ERBIN: variants seen among roughly 807,000 people sequenced by gnomAD.
The protein encoded by ERBIN is erbb2 interacting protein, also known as densin-180-like protein.
In ERBIN, 60 loss-of-function variants were observed where a neutral mutation model predicts 158.4. That is an observed-to-expected ratio of 0.38 (90% CI 0.31 to 0.47). The LOEUF (loss-of-function observed/expected upper bound fraction) is 0.47. Ranked by LOEUF, ERBIN falls within the 20% of genes least tolerant of loss-of-function variation. The pLI is 0.99. For missense variants in ERBIN, 1,610 were observed against 1,648.0 expected, an observed-to-expected ratio of 0.98 and a Z score of 0.40; for synonymous variants, 594 against 557.2, an observed-to-expected ratio of 1.07 and a Z score of -0.93.
chr5:66,042,309 A>G (rs994673042), intron 15 of ERBIN, among the ~76,000 whole-genome samples: 3 of 152,066 alleles, frequency 2.0e-5, no homozygotes, highest in Admixed American at 6.6e-5. Context: ...TTTAAGCCTT[A>G]TGTATTTTTT....
chr5:65,996,472 G>A (rs969307726), intron 4 of ERBIN, among the ~76,000 whole-genome samples: 1 of 151,756 alleles, frequency 6.6e-6, no homozygotes, highest in Non-Finnish European at 1.5e-5. Context: ...TTTATTTTTG[G>A]GCTGTCTATT....
rs769686522 is a variant in ERBIN, at chr5:66,028,361, A to T, written c.1206+18A>T. 4 of 1,600,238 alleles carry T rather than the reference A, an allele frequency of 2.5e-6. No individual in the cohort carries two copies. Among genetic ancestry groups the T allele is most frequent in the Non-Finnish European group, 3.4e-6 (4 of 1,168,782 alleles). On this transcript the variant is annotated intron_variant, in intron 14 of 25. Transcript: ENST00000284037. ...ATAATCAGGTGGGCATTCTGATTTT[A>T]TAAGTTAATGGAGTTCTTATTTGTG... is the stretch of plus-strand genomic sequence containing the variant.
rs1762329641 is a variant in ERBIN at position 66,080,333 on chromosome 5, G to A, written c.*1803G>A. ...CTGTATAGTTTTAATAATTTTGATT[G>A]AAACCCTTTAACAACTCTTTGTAAA... On this transcript the variant is annotated 3_prime_UTR_variant, in exon 26 of 26. Transcript: ENST00000284037. The A allele has an allele frequency of 6.6e-6, 1 of 152,362 alleles. No homozygotes were observed. The highest frequency in any genetic ancestry group is 1.5e-5 in the Non-Finnish European group (1 of 67,924). The allele number at this position is 152,362 out of a possible 1,614,324, so 9.4% of individuals were successfully genotyped here.
intron 15 of ERBIN, among the ~76,000 whole-genome samples, chr5:66,039,706 G>A (rs1757750987): frequency 1.3e-5 from 2 of 151,816 alleles, no homozygotes; most frequent in South Asian, 2.1e-4. Context: ...ATTTTGTTAT[G>A]GAAACATACT....
At chr5:65,958,580 A>G (rs994311322) in intron 1 of ERBIN, among the ~76,000 whole-genome samples, 17 of 147,986 alleles carry the variant, frequency 1.1e-4, no homozygotes, top group African/African-American at 4.1e-4. Context: ...AGTACAGTCC[A>G]GCTTCGGCTG....
intron 1 of ERBIN, among the ~76,000 whole-genome samples, chr5:65,959,970 A>G (rs780442957): frequency 1.3e-5 from 2 of 152,212 alleles, no homozygotes; most frequent in Non-Finnish European, 2.9e-5. Context: ...AATTAAACAT[A>G]CAGCTACATC....
intron 4 of ERBIN, among the ~76,000 whole-genome samples, chr5:65,996,175 T>A (rs1387876159): frequency 6.6e-6 from 1 of 151,606 alleles, no homozygotes; most frequent in Non-Finnish European, 1.5e-5. Flanking sequence ...TTAAGAAAAA[T>A]CATTGTTATA....
At chr5:65,981,307 A>T (rs1465956040) in intron 1 of ERBIN, among the ~76,000 whole-genome samples, 1 of 152,230 alleles carries the variant, frequency 6.6e-6, no homozygotes, top group Non-Finnish European at 1.5e-5. Flanking sequence ...CAGATAATTT[A>T]TATCTTTAAA....
intron 21 of ERBIN, chr5:66,069,129 C>T (rs1422073217): frequency 4.0e-6 from 4 of 1,008,982 alleles, no homozygotes; most frequent in East Asian, 5.5e-5. Context: ...GGTTAGAAAC[C>T]TTGATTTCCT....
intron 22 of ERBIN, 143 bp from the exon 23 acceptor site, chr5:66,074,881 A>G: frequency 1.5e-6 from 1 of 684,584 alleles, no homozygotes; most frequent in Non-Finnish European, 2.4e-6. Context: ...AAAATTATAG[A>G]AAAATAGTAA....
At chr5:65,953,059 A>G (rs1227439859) in intron 1 of ERBIN, among the ~76,000 whole-genome samples, 1 of 152,238 alleles carries the variant, frequency 6.6e-6, no homozygotes, top group Non-Finnish European at 1.5e-5. Context: ...AGTTTCTTGT[A>G]TCAGACTGTG....
rs1370981243 is a variant in ERBIN, at chr5:66,076,881, T to G, written c.4063T>G (p.Phe1355Val). The G allele has an allele frequency of 3.1e-6, 5 of 1,606,964 alleles. No homozygotes were observed. The highest frequency in any genetic ancestry group is 4.3e-6 in the Non-Finnish European group (5 of 1,175,446). The part of the protein sequence containing the change: ...NPFRPDDDGI[F>V]VTRVQPEGPA... The stretch of plus-strand genomic sequence containing the variant: ...ATTTTTTTTGTTGTTAAAGGGTATA[T>G]TTGTAACAAGGGTACAACCTGAAGG... The change falls in exon 25 of 26, where the codon TTT (phenylalanine) becomes GTT (valine). Residue 1355 changes from phenylalanine (F) to valine (V), a missense_variant. Phe to Val is a conservative substitution (Grantham distance 50). Around this residue, in one of 2 missense-constraint regions of ERBIN, gnomAD observed 1,014 missense variants for 936.1 expected, o/e 1.08. Transcript: ENST00000284037.
At chr5:65,976,026 G>T (rs575081856) in intron 1 of ERBIN, among the ~76,000 whole-genome samples, 105 of 152,284 alleles carry the variant, frequency 6.9e-4, no homozygotes, top group Non-Finnish European at 1.1e-3. Context: ...TGGAGGAAAA[G>T]AAGTTGTTAC....
chr5:65,968,400 C>G (rs1214652486), intron 1 of ERBIN, among the ~76,000 whole-genome samples: 3 of 152,060 alleles, frequency 2.0e-5, no homozygotes, highest in Non-Finnish European at 2.9e-5. Context: ...TATTTAAGTA[C>G]TAGAGTAGCA....
chr5:66,018,484 ATATTATATTAT>A (rs1755119052), intron 7 of ERBIN, among the ~76,000 whole-genome samples: 1 of 13,190 alleles, frequency 7.6e-5, no homozygotes, highest in Non-Finnish European at 1.2e-4. Flanking sequence ...TATATATTAT[ATATTATATTAT>A]ATAATATATA....
At chr5:66,013,204 GAGAGTAGATA>G (rs1452542392) in intron 5 of ERBIN, among the ~76,000 whole-genome samples, 1 of 152,184 alleles carries the variant, frequency 6.6e-6, no homozygotes, top group African/African-American at 2.4e-5. Flanking sequence ...CCTTTGAATT[GAGAGTAGATA>G]AGACAGATTT....
intron 1 of ERBIN, among the ~76,000 whole-genome samples, chr5:65,983,246 A>T (rs1580248295): frequency 1.3e-5 from 2 of 152,138 alleles, no homozygotes; most frequent in East Asian, 1.9e-4. Context: ...CCAGACATTG[A>T]TGTTGATCTT....
intron 15 of ERBIN, 48 bp from the exon 16 acceptor site, chr5:66,043,029 A>G (rs1758069550): frequency 7.1e-7 from 1 of 1,400,142 alleles, no homozygotes; most frequent in South Asian, 1.2e-5. Flanking sequence ...ATAGTTTTCC[A>G]TAATTACAGT....
At chr5:66,073,122 A>G (rs535103034) in intron 22 of ERBIN, among the ~76,000 whole-genome samples, 1 of 152,250 alleles carries the variant, frequency 6.6e-6, no homozygotes, top group Admixed American at 6.5e-5. Context: ...GCCATCTGCT[A>G]ATTGTAGCTT....
Sources: allele counts gnomAD v4.1 joint callset (sites outside exome capture counted in the v4.1 genomes callset), GRCh38; gene constraint gnomAD v4.1.1; regional missense constraint gnomAD v4.1.1; transcripts MANE v1.5; gene names NCBI Gene and HGNC (gene_info 2026-07-23, HGNC 2026-07-21).